The following E2F7 variants were observed in gnomAD, a reference collection of about 807,000 sequenced individuals.
E2F7 encodes the protein E2F transcription factor 7.
Under a neutral mutation model 81.1 loss-of-function variants are expected in E2F7, and 35 were observed. The observed-to-expected ratio is 0.43, with a 90% CI of 0.33 to 0.57. The LOEUF (loss-of-function observed/expected upper bound fraction) is 0.57, where lower values mean the gene tolerates loss of function less well. E2F7 is among the 20% of genes least tolerant of loss of function. The pLI, the probability that E2F7 is intolerant of heterozygous loss-of-function variation, is 0.04. For synonymous variants in E2F7, 416 were observed against 416.2 expected (o/e 1.00, Z 0.01); for missense variants, 961 against 1,093.7 (o/e 0.88, Z 1.71).
chr12:77,056,034 T>C lies in E2F7; in HGVS notation c.190A>G (p.Arg64Gly), dbSNP rs1350958145. 4.3e-6 allele frequency: 7 copies of C among 1,614,052 alleles called. No homozygotes were observed. The Admixed American group carries it at 5.0e-5, about 12-fold the overall frequency. Residue 64 changes from arginine (R) to glycine (G), a missense_variant, in exon 3 of 13, where the codon AGA (arginine) becomes GGA (glycine). Transcript: ENST00000322886. ...LSKQKKFTPE[R>G]NPITPVKFVD... ...AACTTAACTGGAGTAATGGGATTTC[T>C]TTCTGGAGTAAATTTTTTTTGCTTC...
At chr12:77,030,858 T>C (rs1166085385) in intron 9 of E2F7, among the ~76,000 whole-genome samples, 1 of 152,194 alleles carries the variant, frequency 6.6e-6, no homozygotes, top group Non-Finnish European at 1.5e-5. Flanking sequence ...TCTCAGTGAC[T>C]GTGAGAGACG....
At chr12:77,043,227 C>A in intron 6 of E2F7, 28 bp from the exon 7 acceptor site, 2 of 1,613,546 alleles carry the variant, frequency 1.2e-6, no homozygotes, top group South Asian at 2.2e-5. Flanking sequence ...CGATTACGGT[C>A]ATGCTGCCTG....
At position 77,050,726 on chromosome 12, in the gene E2F7, T is replaced by A; in HGVS notation, c.388A>T (p.Ser130Cys). 1 of 1,613,598 alleles carries A rather than the reference T, an allele frequency of 6.2e-7. No homozygotes were observed. Among genetic ancestry groups the A allele is most frequent in the South Asian group, 1.1e-5 (1 of 91,040 alleles). ...DSLQLDVVGD[S>C]AVDEFEKQRP... ...TGCTTTTCAAATTCGTCCACAGCACTGTCCCCAACAACATCAAGCTACAGA... is the reference window on the plus strand; with the variant it reads ...TGCTTTTCAAATTCGTCCACAGCACAGTCCCCAACAACATCAAGCTACAGA... Residue 130 changes from serine to cysteine, a missense_variant, in exon 4 of 13, where the codon AGT (serine) becomes TGT (cysteine). Ser to Cys is a moderately radical substitution (Grantham distance 112). Transcript: ENST00000322886.
chr12:77,045,473 T>G (rs1954932385), intron 5 of E2F7: 1 of 152,936 alleles, frequency 6.5e-6, no homozygotes, highest in Admixed American at 6.5e-5. Context: ...TTTCTTATAT[T>G]TGCAAGTGAG....
At position 77,065,419 on chromosome 12, in the gene E2F7, G is replaced by C. The variant is rs1163600776; in HGVS notation, c.-75C>G. On this transcript the variant is annotated 5_prime_UTR_variant, in exon 1 of 13. Coordinates refer to ENST00000322886, the MANE Select transcript of E2F7 (RefSeq NM_203394.3). ...CCAAGCCGATGAGGGAAGGTGGTGC[G>C]GCGATCAGCAGCCGGGCGGCGGCAT... 6.5e-6 allele frequency: 1 copy of C among 152,734 alleles called. No homozygotes were observed. Among genetic ancestry groups the C allele is most frequent in the Non-Finnish European group, 1.5e-5 (1 of 68,478 alleles). The allele number at this position is 152,734 out of a possible 1,614,324, so 9.5% of individuals were successfully genotyped here. A position where few individuals can be genotyped will look rare whatever the true frequency, so the allele number is the denominator to read the frequency against.
intron 4 of E2F7, among the ~76,000 whole-genome samples, chr12:77,047,037 T>G (rs1053714024): frequency 2.6e-5 from 4 of 152,208 alleles, no homozygotes; most frequent in Non-Finnish European, 4.4e-5. Context: ...TCATTCACCG[T>G]AACCCGGCAA....
Position 77,064,553 on chromosome 12 carries a change from T to C in E2F7, c.83A>G (p.Asn28Ser). ...RLDFAVEDGENAQKENIFVDR... is the reference protein window; with the variant it reads ...RLDFAVEDGESAQKENIFVDR... ...TTTATGTTTGCTTACCTTTTGTGCATTTTCCCCATCTTCAACTGCAAAATC... is the reference window on the plus strand; with the variant it reads ...TTTATGTTTGCTTACCTTTTGTGCACTTTCCCCATCTTCAACTGCAAAATC... Residue 28 changes from asparagine to serine, a missense_variant, in exon 2 of 13, where the codon AAT becomes AGT. Physicochemically the swap from Asn to Ser is conservative, Grantham distance 46. Transcript: ENST00000322886. 1 of 1,613,766 alleles carries C rather than the reference T, an allele frequency of 6.2e-7. No homozygotes were observed. The highest frequency in any genetic ancestry group is 8.5e-7 in the Non-Finnish European group (1 of 1,179,720).
Position 77,046,332 on chromosome 12 carries a change from T to C in E2F7, c.539-4A>G, listed in dbSNP as rs1435512064. 9 of 1,606,976 alleles carry C rather than the reference T, an allele frequency of 5.6e-6. No homozygotes were observed. Among genetic ancestry groups the C allele is most frequent in the Non-Finnish European group, 7.7e-6 (9 of 1,176,046 alleles). ...TAGATGCGTCTCCTTTCCACACCTGTTTGAAAAACAGAGGCTGATGGACAT... is the reference window on the plus strand; with the variant it reads ...TAGATGCGTCTCCTTTCCACACCTGCTTGAAAAACAGAGGCTGATGGACAT... On this transcript the variant is annotated splice_polypyrimidine_tract_variant and splice_region_variant and intron_variant, in intron 4 of 12. Transcript: ENST00000322886.
At chr12:77,041,422 C>T (rs1954894485) in intron 7 of E2F7, among the ~76,000 whole-genome samples, 1 of 152,142 alleles carries the variant, frequency 6.6e-6, no homozygotes, top group Admixed American at 6.5e-5. Context: ...AACTCCTGAC[C>T]TCAGGTGATC....
intron 7 of E2F7, among the ~76,000 whole-genome samples, chr12:77,035,989 G>GACACAGC (rs60853383): frequency 0.8 from 120,706 of 150,992 alleles, 48,497 homozygotes; most frequent in African/African-American, 0.83. Flanking sequence ...ATGAATAAAT[G>GACACAGC]AATAAATAAA....
chr12:77,025,771 G>A lies in E2F7; in HGVS notation c.2352C>T (p.Ser784=), dbSNP rs758508071. The A allele has an allele frequency of 6.2e-7, 1 of 1,614,130 alleles. No individual in the cohort carries two copies. Among genetic ancestry groups the A allele is most frequent in the Non-Finnish European group, 8.5e-7 (1 of 1,180,028 alleles). Residue 784 remains serine, a synonymous_variant, in exon 12 of 13, where the codon AGC becomes AGT. Coordinates refer to ENST00000322886, the MANE Select transcript of E2F7 (RefSeq NM_203394.3). ...ALPNTGPVNF[S]LPGLGSIAQL... Reference sequence around the variant, plus strand: ...GGGCTATTGATCCAAGGCCAGGCAAGCTGAAATTCACAGGTCCTGTGTTTG... The same window carrying A: ...GGGCTATTGATCCAAGGCCAGGCAAACTGAAATTCACAGGTCCTGTGTTTG...
At chr12:77,047,042 C>T (rs527498029) in intron 4 of E2F7, among the ~76,000 whole-genome samples, 43 of 152,268 alleles carry the variant, frequency 2.8e-4, no homozygotes, top group African/African-American at 1.0e-3. Context: ...CACCGTAACC[C>T]GGCAAACAGC....
chr12:77,044,326 T>C, intron 6 of E2F7: 1 of 497,298 alleles, frequency 2.0e-6, no homozygotes, highest in Admixed American at 2.3e-5. Context: ...TCAGACATTC[T>C]GTCTTGGATG....
At chr12:77,057,940 C>T (rs929739376) in intron 2 of E2F7, among the ~76,000 whole-genome samples, 1 of 152,082 alleles carries the variant, frequency 6.6e-6, no homozygotes, top group African/African-American at 2.4e-5. Flanking sequence ...TAAGTGTTTT[C>T]CTATAAATGA....
rs559859992 is a variant in E2F7 at position 77,030,195 on chromosome 12, G to A, written c.1520C>T (p.Thr507Met). Residue 507 changes from threonine to methionine, a missense_variant, in exon 10 of 13, where the codon ACG becomes ATG. This residue lies in a region of E2F7 where 587 missense variants were observed against 620.3 expected (regional missense o/e 0.95). Coordinates refer to ENST00000322886, the MANE Select transcript of E2F7 (RefSeq NM_203394.3). ...CTGCATGGAGAATGCCTGCAGGTCC[G>A]TCTGAGCAACAGAAAATACTGGGTG... ...LAHPVFSVAQ[T>M]DLQAFSMQNG... 1.1e-5 allele frequency: 18 copies of A among 1,614,148 alleles called. No individual in the cohort carries two copies. Among genetic ancestry groups the A allele is most frequent in the Admixed American group, 5.0e-5 (3 of 60,022 alleles).
chr12:77,035,980 T>A (rs58501801), intron 7 of E2F7, among the ~76,000 whole-genome samples: 120,946 of 151,056 alleles, frequency 0.8, 48,634 homozygotes, highest in African/African-American at 0.83. Flanking sequence ...ATAAAGAATA[T>A]GAATAAATGA....
At chr12:77,044,302 A>G (rs1056589533) in intron 6 of E2F7, 42 of 471,696 alleles carry the variant, frequency 8.9e-5, no homozygotes, top group African/African-American at 4.1e-4. Flanking sequence ...TGGGGAAAAA[A>G]GGGGAAAGAA....
intron 2 of E2F7, among the ~76,000 whole-genome samples, chr12:77,061,118 C>T (rs1955075066): frequency 6.6e-6 from 1 of 152,168 alleles, no homozygotes; most frequent in African/African-American, 2.4e-5. Flanking sequence ...ACACACAACC[C>T]TCTGCCGCTC....
At chr12:77,038,907 G>A (rs310788) in intron 7 of E2F7, among the ~76,000 whole-genome samples, 147,313 of 152,292 alleles carry the variant, frequency 0.97, 71,344 homozygotes, top group East Asian at 1. Flanking sequence ...TCTTCCAAAC[G>A]TTTAAGGAAA....
Sources: gnomAD v4.1 joint callset for allele counts (sites outside exome capture counted in the v4.1 genomes callset) on GRCh38, gnomAD v4.1.1 for gene constraint, gnomAD v4.1.1 regional missense constraint, MANE v1.5 for transcripts, NCBI Gene and HGNC (gene_info 2026-07-23, HGNC 2026-07-21) for gene names.